TRIM48: variants seen among roughly 807,000 people sequenced by gnomAD.
TRIM48 encodes E3 ubiquitin-protein ligase TRIM48.
A neutral mutation model predicts 29.5 loss-of-function variants in TRIM48; 31 were observed. The observed-to-expected ratio is 1.05, with a 90% CI of 0.79 to 1.42. TRIM48 has a LOEUF of 1.42. TRIM48 is among the 40% of genes most tolerant of loss of function. The probability of loss-of-function intolerance (pLI) is 0.00; values close to 1 mark genes in which losing one functional copy is unlikely to be tolerated. For missense variants in TRIM48, 344 were observed against 265.0 expected (o/e 1.30, Z -2.07); for synonymous variants, 128 against 90.6 (o/e 1.41, Z -2.34).
chr11:55,266,238 A>T (rs1433369628), intron 3 of TRIM48, among the ~76,000 whole-genome samples: 1 of 147,790 alleles, frequency 6.8e-6, no homozygotes, highest in Admixed American at 6.9e-5. Context: ...AGAAATATGG[A>T]TTTGTGTCTT....
At chr11:55,270,030 T>C (rs1309458813) in intron 5 of TRIM48, among the ~76,000 whole-genome samples, 2 of 147,820 alleles carry the variant, frequency 1.4e-5, no homozygotes, top group African/African-American at 4.9e-5. Flanking sequence ...TCTAGAGCAG[T>C]TCTTGAGTAA....
chr11:55,268,475 A>ATT (rs556024954), intron 4 of TRIM48, 103 bp downstream of exon 4: 9 of 1,157,342 alleles, frequency 7.8e-6, no homozygotes, highest in South Asian at 6.5e-5. Flanking sequence ...TATTGATACT[A>ATT]TTTTTTTTTG....
chr11:55,262,424 T>A, intron 1 of TRIM48, 113 bp downstream of exon 1: 1 of 770,080 alleles, frequency 1.3e-6, no homozygotes, highest in African/African-American at 1.8e-5. Context: ...CCATCTGTAA[T>A]TCATATTCTT....
chr11:55,265,894 G>A (rs547700887), intron 3 of TRIM48, among the ~76,000 whole-genome samples, 199 bp downstream of exon 3: 1 of 146,706 alleles, frequency 6.8e-6, no homozygotes, highest in Non-Finnish European at 1.5e-5. Flanking sequence ...TAACAAAACC[G>A]TTGATGTTAC....
In TRIM48 at chr11:55,270,760, T is replaced by G; in HGVS notation, c.*325T>G. ...CATTCAGTGCAGTCTCTTTACCACC[T>G]CCCCAATTACACTGCAGTATGTCCC... On this transcript the variant is annotated 3_prime_UTR_variant, in exon 6 of 6. Transcript: ENST00000417545. The G allele has an allele frequency of 6.4e-7, 1 of 1,568,588 alleles. No homozygotes were observed. The highest frequency in any genetic ancestry group is 8.7e-7 in the Non-Finnish European group (1 of 1,152,596).
At chr11:55,269,404 G>A (rs1857444663) in intron 5 of TRIM48, 65 bp downstream of exon 5, 1 of 1,524,702 alleles carries the variant, frequency 6.6e-7, no homozygotes, top group Non-Finnish European at 8.8e-7. Context: ...GATCACATAG[G>A]TAATATTTCA....
intron 1 of TRIM48, among the ~76,000 whole-genome samples, 198 bp from the exon 2 acceptor site, chr11:55,264,702 C>A (rs919919572): frequency 1.4e-5 from 2 of 147,966 alleles, no homozygotes; most frequent in African/African-American, 2.5e-5. Flanking sequence ...GGTTGTGAGG[C>A]ATCTAGTCAG....
At chr11:55,266,558 G>A (rs1380656513) in intron 3 of TRIM48, among the ~76,000 whole-genome samples, 1 of 147,602 alleles carries the variant, frequency 6.8e-6, no homozygotes, top group Non-Finnish European at 1.5e-5. Flanking sequence ...GTTCGAGTGT[G>A]GTAAGTTCTT....
intron 1 of TRIM48, among the ~76,000 whole-genome samples, chr11:55,263,516 G>C (rs929073322): frequency 6.6e-5 from 10 of 151,700 alleles, no homozygotes; most frequent in Admixed American, 2.0e-4. Flanking sequence ...GAAAAAATTT[G>C]CCGGGTGTAG....
chr11:55,264,544 C>T (rs906882939), intron 1 of TRIM48, among the ~76,000 whole-genome samples: 3 of 147,330 alleles, frequency 2.0e-5, no homozygotes, highest in Non-Finnish European at 4.5e-5. Flanking sequence ...CACACTCATT[C>T]GGCAGTCATA....
chr11:55,263,169 C>T (rs926149478), intron 1 of TRIM48, among the ~76,000 whole-genome samples: 3 of 152,066 alleles, frequency 2.0e-5, no homozygotes, highest in African/African-American at 7.2e-5. Context: ...ATGTTTACTG[C>T]ACCTTTTCTG....
chr11:55,265,515 C>G, intron 2 of TRIM48, 85 bp from the exon 3 acceptor site: 1 of 1,512,300 alleles, frequency 6.6e-7, no homozygotes, highest in Non-Finnish European at 9.0e-7. Context: ...TTATTTGTCT[C>G]TCATTCTGGG....
rs753647272 is a variant in TRIM48 at position 55,265,600 on chromosome 11, G to A, written c.460G>A (p.Glu154Lys). 2 of 1,580,078 alleles carry A rather than the reference G, an allele frequency of 1.3e-6. No homozygotes were observed. The highest frequency in any genetic ancestry group is 1.7e-6 in the Non-Finnish European group (2 of 1,164,488). Residue 154 changes from glutamate to lysine, a missense_variant and splice_region_variant, in exon 3 of 6, where the codon GAG becomes AAG. By Grantham distance (56) the Glu-to-Lys change is moderately conservative. Coordinates refer to ENST00000417545, the MANE Select transcript of TRIM48 (RefSeq NM_024114.5). ...GCTTCAATTTATGGCTCTTTTGCAG[G>A]AGAAGCTTTTAAAGAAAATGCAGTC... ...PAEWAAEEHWEKLLKKMQSLW... is the reference protein window; with the variant it reads ...PAEWAAEEHWKKLLKKMQSLW...
rs1456553475 is a variant in TRIM48, at chr11:55,264,974, A to G, written c.119A>G (p.Asp40Gly). The change falls in exon 2 of 6, where the codon GAC (aspartate) becomes GGC (glycine). Residue 40 changes from aspartate to glycine, a missense_variant. By Grantham distance (94) the Asp-to-Gly change is moderately conservative. Coordinates refer to ENST00000417545, the MANE Select transcript of TRIM48 (RefSeq NM_024114.5). The stretch of plus-strand genomic sequence containing the variant: ...CCCATCTGCATGAACTACTTCATAG[A>G]CCCGGTCACCATAGACTGTGGGCAC... ...TCPICMNYFIDPVTIDCGHSF... is the reference protein window; with the variant it reads ...TCPICMNYFIGPVTIDCGHSF... 6.3e-7 allele frequency: 1 copy of G among 1,584,254 alleles called. No individual in the cohort carries two copies. Among genetic ancestry groups the G allele is most frequent in the African/African-American group, 1.4e-5 (1 of 73,540 alleles).
At chr11:55,268,043 G>T (rs560492225) in intron 3 of TRIM48, among the ~76,000 whole-genome samples, 1 of 147,786 alleles carries the variant, frequency 6.8e-6, no homozygotes, top group South Asian at 2.4e-4. Flanking sequence ...CACTCATTTG[G>T]ATAATAGGTT....
chr11:55,262,230 G>A lies in TRIM48; in HGVS notation c.-38G>A, dbSNP rs553261307. On this transcript the variant is annotated 5_prime_UTR_variant, in exon 1 of 6. Transcript: ENST00000417545. ...GACCTCTGAAACTCAGTACTGCAGCGAATGAGCTCCTGACCTTGAGGAGTA... is the reference window on the plus strand; with the variant it reads ...GACCTCTGAAACTCAGTACTGCAGCAAATGAGCTCCTGACCTTGAGGAGTA... 361 of 1,535,486 alleles carry A rather than the reference G, an allele frequency of 2.4e-4. 1 individual carries two copies. Among genetic ancestry groups the A allele is most frequent in the East Asian group, 2.0e-3 (82 of 40,804 alleles).
chr11:55,268,208 A>T, intron 3 of TRIM48, 142 bp from the exon 4 acceptor site: 1 of 794,536 alleles, frequency 1.3e-6, no homozygotes, highest in Non-Finnish European at 2.0e-6. Flanking sequence ...TTTTCATTAC[A>T]GAAGAAATAG....
chr11:55,262,351 C>T (rs1229334612), intron 1 of TRIM48, 40 bp downstream of exon 1: 17 of 1,412,454 alleles, frequency 1.2e-5, no homozygotes, highest in Non-Finnish European at 1.2e-5. Flanking sequence ...ATCTTCTTTC[C>T]TTTACAAAAT....
At chr11:55,262,607 G>A (rs1857321323) in intron 1 of TRIM48, among the ~76,000 whole-genome samples, 1 of 152,066 alleles carries the variant, frequency 6.6e-6, no homozygotes, top group Admixed American at 6.6e-5. Context: ...ATAGGTGTGT[G>A]TAAATATATG....
Sources: gnomAD v4.1 joint callset for allele counts (sites outside exome capture counted in the v4.1 genomes callset) on GRCh38, gnomAD v4.1.1 for gene constraint, MANE v1.5 for transcripts, NCBI Gene and HGNC (gene_info 2026-07-23, HGNC 2026-07-21) for gene names.